UBE3A: variants seen among roughly 807,000 people sequenced by gnomAD.
UBE3A encodes the protein ubiquitin protein ligase E3A, also known as ubiquitin-protein ligase E3A.
Under a neutral mutation model 83.4 loss-of-function variants are expected in UBE3A, and 6 were observed. The ratio of observed to expected loss-of-function variants is 0.07; its 90% CI spans 0.04 to 0.14. The LOEUF is 0.14. Among genes scored for constraint, UBE3A ranks in the 10% least tolerant of loss-of-function variants. The probability of loss-of-function intolerance (pLI) is 1.00; values close to 1 mark genes in which losing one functional copy is unlikely to be tolerated. For synonymous variants in UBE3A, 337 were observed against 355.4 expected, an observed-to-expected ratio of 0.95 and a Z score of 0.58; for missense variants, 456 against 1,036.1, an observed-to-expected ratio of 0.44 and a Z score of 7.69.
intron 6 of UBE3A, among the ~76,000 whole-genome samples, chr15:25,365,471 G>A (rs1256852223): frequency 6.6e-6 from 1 of 151,558 alleles, no homozygotes; most frequent in South Asian, 2.1e-4. Flanking sequence ...CTTCAAGGCC[G>A]GGCGTGGTGG....
rs540170586 is a variant in UBE3A, at chr15:25,350,140, A to G, written c.2354+4213T>C. Among the ~76,000 whole-genome samples the G allele has an allele frequency of 2.0e-4, 31 of 152,266 alleles. No homozygotes were observed. The South Asian group carries it at 6.2e-3, about 31-fold the overall frequency. On this transcript the variant is annotated intron_variant, in intron 11 of 12. Coordinates refer to ENST00000648336, the MANE Select transcript of UBE3A (RefSeq NM_130839.5). ...AACTAAAAATTAGCTGCACACCTGTAGTACCAGCTACTCAGAGGGCTGACG... is the reference window on the plus strand; with the variant it reads ...AACTAAAAATTAGCTGCACACCTGTGGTACCAGCTACTCAGAGGGCTGACG...
chr15:25,346,449 TC>T (rs1265656911), intron 11 of UBE3A: 1 of 151,570 alleles, frequency 6.6e-6, no homozygotes, highest in Non-Finnish European at 1.5e-5. Context: ...AAGTACAGAG[TC>T]TCCTGATATA....
At chr15:25,419,730 A>G (rs1479341100) in intron 1 of UBE3A, among the ~76,000 whole-genome samples, 1 of 152,158 alleles carries the variant, frequency 6.6e-6, no homozygotes, top group African/African-American at 2.4e-5. Flanking sequence ...TAGAAGTAAA[A>G]TGTTAAGATC....
rs748580495 is a variant in UBE3A, at chr15:25,339,158, G to A, written c.2598C>T (p.Ala866=). ...KERLLKAITY[A]KGFGML is the part of the protein sequence containing the mutation. The stretch of plus-strand genomic sequence containing the variant: ...TGTTTTACAGCATGCCAAATCCTTT[G>A]GCATACGTGATGGCCTTCAACAATC... The change falls in exon 13 of 13, where the codon GCC becomes GCT. Residue 866 remains alanine, a synonymous_variant. Transcript: ENST00000648336. 13 of 1,593,346 alleles carry A rather than the reference G, an allele frequency of 8.2e-6. No individual in the cohort carries two copies. The highest frequency in any genetic ancestry group is 9.4e-6 in the Non-Finnish European group (11 of 1,171,374).
In UBE3A at chr15:25,371,884, T is replaced by A; in HGVS notation, c.362-72A>T. The A allele has an allele frequency of 1.4e-6, 2 of 1,446,832 alleles. No individual in the cohort carries two copies. Among genetic ancestry groups the A allele is most frequent in the Non-Finnish European group, 1.9e-6 (2 of 1,074,020 alleles). 89.6% of individuals were successfully genotyped at this position (1,446,832 alleles called of 1,614,324 possible). On this transcript the variant is annotated intron_variant, in intron 5 of 12. Coordinates refer to ENST00000648336, the MANE Select transcript of UBE3A (RefSeq NM_130839.5). The surrounding 1 kb of genome is among the most constrained non-coding windows in gnomAD (Gnocchi z 5.3). The stretch of plus-strand genomic sequence containing the variant: ...ATGTTTACTCTGTTGCAAAAAGTTC[T>A]AAAAGTAAAACAGCCAAACATTCTA...
chr15:25,416,340 C>T (rs909789402), intron 1 of UBE3A, among the ~76,000 whole-genome samples: 5 of 152,022 alleles, frequency 3.3e-5, no homozygotes, highest in African/African-American at 1.2e-4. Flanking sequence ...GAATATACAG[C>T]GACTATCATA....
At chr15:25,426,795 T>A (rs749635631) in intron 1 of UBE3A, among the ~76,000 whole-genome samples, 3 of 152,052 alleles carry the variant, frequency 2.0e-5, no homozygotes, top group Non-Finnish European at 4.4e-5. Context: ...TCTATTAATG[T>A]CTTACAAAAT....
intron 6 of UBE3A, among the ~76,000 whole-genome samples, chr15:25,363,800 G>A (rs2078535077): frequency 6.6e-6 from 1 of 151,988 alleles, no homozygotes. Flanking sequence ...AATTTGAAAA[G>A]TAGTTGGTAA....
At chr15:25,406,415 T>C (rs913509268) in intron 3 of UBE3A, among the ~76,000 whole-genome samples, 1 of 152,188 alleles carries the variant, frequency 6.6e-6, no homozygotes. Context: ...ATATTTAAAA[T>C]TCTAAGTCAC....
At chr15:25,408,679 A>AT (rs2089279086) in intron 3 of UBE3A, 2 of 1,612,636 alleles carry the variant, frequency 1.2e-6, no homozygotes, top group Admixed American at 3.3e-5. Flanking sequence ...CCTCCACTGT[A>AT]ACTCTCTAGG....
intron 12 of UBE3A, chr15:25,339,851 A>G: frequency 1.8e-6 from 1 of 549,852 alleles, no homozygotes; most frequent in East Asian, 3.3e-5. Context: ...AATGAATCAC[A>G]CTAATTTGAT....
chr15:25,347,629 A>G (rs113291107), intron 11 of UBE3A, among the ~76,000 whole-genome samples: 9,482 of 152,162 alleles, frequency 0.062, 731 homozygotes, highest in African/African-American at 0.18. Flanking sequence ...GAACCTGGGA[A>G]GCCGATGTTG....
intron 1 of UBE3A, among the ~76,000 whole-genome samples, chr15:25,429,866 G>A (rs539315728): frequency 1.0e-4 from 15 of 149,574 alleles, no homozygotes; most frequent in South Asian, 6.3e-4. Context: ...TTAGCCGGGC[G>A]TGGTAGTGCA....
chr15:25,357,102 G>C (rs1007441839), intron 7 of UBE3A, among the ~76,000 whole-genome samples: 2 of 152,176 alleles, frequency 1.3e-5, no homozygotes, highest in African/African-American at 4.8e-5. Context: ...ATGGTGATAT[G>C]TAATTTTATG....
intron 11 of UBE3A, among the ~76,000 whole-genome samples, chr15:25,344,031 C>T (rs934956083): frequency 1.3e-5 from 2 of 152,160 alleles, no homozygotes; most frequent in African/African-American, 2.4e-5. Context: ...TGTTATTTTT[C>T]TGTGAAGGAG....
At chr15:25,436,925 A>G (rs1009971423) in intron 1 of UBE3A, among the ~76,000 whole-genome samples, 4 of 152,220 alleles carry the variant, frequency 2.6e-5, no homozygotes, top group African/African-American at 9.6e-5. Context: ...AAACTAATGC[A>G]GGTTAATAAA....
chr15:25,385,277 G>T (rs2152922661), intron 4 of UBE3A, among the ~76,000 whole-genome samples: 1 of 152,120 alleles, frequency 6.6e-6, no homozygotes, highest in Admixed American at 6.5e-5. Context: ...TTAAAAAGTG[G>T]ACAAAGGACT....
At chr15:25,354,286 G>T in intron 11 of UBE3A, 67 bp downstream of exon 11, 1 of 1,441,814 alleles carries the variant, frequency 6.9e-7, no homozygotes, top group Non-Finnish European at 9.8e-7. Flanking sequence ...TAGAGATAAA[G>T]GTCTGAAGCA....
At chr15:25,362,178 A>C (rs868244483) in intron 6 of UBE3A, among the ~76,000 whole-genome samples, 1 of 152,236 alleles carries the variant, frequency 6.6e-6, no homozygotes, top group African/African-American at 2.4e-5. Flanking sequence ...TAGGGATTGC[A>C]GTCAAAGAGT....
Sources: gnomAD v4.1 joint callset for allele counts (sites outside exome capture counted in the v4.1 genomes callset) on GRCh38, gnomAD v4.1.1 for gene constraint, Gnocchi (gnomAD v3.1) non-coding constraint, MANE v1.5 for transcripts, NCBI Gene and HGNC (gene_info 2026-07-23, HGNC 2026-07-21) for gene names.